Variants in WNK1 observed in about 807,000 individuals in gnomAD.
WNK1 encodes the protein serine/threonine-protein kinase WNK1.
In WNK1, 38 loss-of-function variants were observed where a neutral mutation model predicts 222.8. That is an observed-to-expected ratio of 0.17 (90% CI 0.13 to 0.22). WNK1 has a LOEUF of 0.22. Ranked by LOEUF, WNK1 falls within the 10% of genes least tolerant of loss-of-function variation. The pLI, the probability that WNK1 is intolerant of heterozygous loss-of-function variation, is 1.00. For synonymous variants in WNK1, 1,090 were observed against 1,092.9 expected (o/e 1.00, Z 0.05); for missense variants, 2,348 against 2,918.4 (o/e 0.80, Z 4.50).
intron 1 of WNK1, among the ~76,000 whole-genome samples, chr12:799,452 GT>G (rs1056096659): frequency 6.6e-6 from 1 of 151,680 alleles, no homozygotes; most frequent in African/African-American, 2.4e-5. Context: ...CATTTTAAGA[GT>G]TTCTTCTGAT....
rs777813260 is a variant in WNK1, at chr12:827,483, G to A, written c.1153+221G>A. ...GTAACATTACGTTACAAGAAATAAA[G>A]TGAACTTTGTTGATAAAACCTAATG... On this transcript the variant is annotated intron_variant, in intron 3 of 27. Coordinates refer to ENST00000315939, the MANE Select transcript of WNK1 (RefSeq NM_018979.4). This position sits in a 1 kb window ranked among gnomAD's most constrained non-coding sequence, Gnocchi z 4.6. The A allele has an allele frequency of 6.9e-6, 4 of 583,512 alleles. No individual in the cohort carries two copies. Among genetic ancestry groups the A allele is most frequent in the Non-Finnish European group, 9.1e-6 (3 of 328,518 alleles). 36.1% of individuals were successfully genotyped at this position (583,512 alleles called of 1,614,324 possible).
At chr12:757,388 C>T (rs984239193) in intron 1 of WNK1, among the ~76,000 whole-genome samples, 4 of 132,586 alleles carry the variant, frequency 3.0e-5, no homozygotes, top group African/African-American at 8.3e-5. Flanking sequence ...TGCAGTGGCG[C>T]AATCTGAGCT....
Position 762,826 on chromosome 12 carries a change from A to C in WNK1, c.759+8502A>C, listed in dbSNP as rs1040293569. Among the ~76,000 whole-genome samples the C allele has an allele frequency of 3.4e-5, 5 of 145,874 alleles. 1 individual carries two copies. Among genetic ancestry groups the C allele is most frequent in the African/African-American group, 7.4e-5 (3 of 40,790 alleles). ...CAATGGCGCGATCTCGGCTCACCAC[A>C]ACATTTGCCTCCTGAGTTCAAGGGA... is the stretch of plus-strand genomic sequence containing the variant. On this transcript the variant is annotated intron_variant, in intron 1 of 27. Transcript: ENST00000315939.
At chr12:793,395 A>G (rs969723454) in intron 1 of WNK1, among the ~76,000 whole-genome samples, 43 of 152,348 alleles carry the variant, frequency 2.8e-4, no homozygotes, top group African/African-American at 8.2e-4. Context: ...AAATTAAAAC[A>G]AGGAGACTGC....
Position 776,411 on chromosome 12 carries a change from T to TG in WNK1, c.759+22087_759+22088insG, listed in dbSNP as rs1491459174. 9.9e-3 allele frequency among the ~76,000 whole-genome samples: 988 copies of TG among 100,206 alleles called. 4 individuals are homozygous for TG. The highest frequency in any genetic ancestry group is 0.016 in the African/African-American group (362 of 22,654). The allele number at this position is 100,206 out of a possible 152,430, so 65.7% of individuals were successfully genotyped here. On this transcript the variant is annotated intron_variant, in intron 1 of 27. Coordinates refer to ENST00000315939, the MANE Select transcript of WNK1 (RefSeq NM_018979.4). ...TCAGATCTCTGTGTGTGTTTGTGTG[T>TG]TTGTGTGTGTGTGTGTGTGTGTGTG...
At chr12:822,550 G>A (rs905675868) in intron 2 of WNK1, among the ~76,000 whole-genome samples, 1 of 151,418 alleles carries the variant, frequency 6.6e-6, no homozygotes, top group Non-Finnish European at 1.5e-5. Flanking sequence ...TTTTTTCAGT[G>A]GTTACCTTGA....
At chr12:782,380 T>C (rs916381687) in intron 1 of WNK1, among the ~76,000 whole-genome samples, 2 of 152,164 alleles carry the variant, frequency 1.3e-5, no homozygotes, top group African/African-American at 4.8e-5. Context: ...TCCTATTTTA[T>C]AGATGAGAAA....
At chr12:881,025 A>G (rs766597694) in intron 12 of WNK1, 26 bp downstream of exon 12, 2 of 1,613,730 alleles carry the variant, frequency 1.2e-6, no homozygotes, top group Non-Finnish European at 1.7e-6. Flanking sequence ...GCATGTTTAT[A>G]TGTAAAACGT....
At chr12:792,086 A>G (rs1944892558) in intron 1 of WNK1, among the ~76,000 whole-genome samples, 1 of 152,140 alleles carries the variant, frequency 6.6e-6, no homozygotes, top group Non-Finnish European at 1.5e-5. Context: ...TTATACCTAA[A>G]CATTGCTACT....
At position 908,631 on chromosome 12, in the gene WNK1, G is replaced by C. The variant is rs1177317020; in HGVS notation, c.6988G>C (p.Ala2330Pro). Residue 2330 changes from alanine (A) to proline (P), a missense_variant, in exon 28 of 28, where the codon GCT becomes CCT. Ala to Pro is a conservative substitution (Grantham distance 27, BLOSUM62 -1). Coordinates refer to ENST00000315939, the MANE Select transcript of WNK1 (RefSeq NM_018979.4). ...CCCCCCACAGCAGTATGGCTTTCCA[G>C]CTACCCCATTTGGCGCTCAATGGAG... is the stretch of plus-strand genomic sequence containing the variant. Reference protein sequence around the residue: ...MCPPQQYGFPATPFGAQWSGT... With the variant: ...MCPPQQYGFPPTPFGAQWSGT... 7.4e-6 allele frequency: 12 copies of C among 1,614,204 alleles called. No homozygotes were observed. Among genetic ancestry groups the C allele is most frequent in the Non-Finnish European group, 9.3e-6 (11 of 1,180,040 alleles).
At chr12:879,536 T>C (rs1565568748) in intron 10 of WNK1, 37 bp from the exon 11 acceptor site, 1 of 1,114,988 alleles carries the variant, frequency 9.0e-7, no homozygotes, top group Admixed American at 1.8e-5. Flanking sequence ...TTTTTTTTTT[T>C]TAAGCCTGTC....
intron 1 of WNK1, among the ~76,000 whole-genome samples, chr12:806,374 A>G (rs1946368301): frequency 6.6e-6 from 1 of 152,168 alleles, no homozygotes; most frequent in South Asian, 2.1e-4. Flanking sequence ...GATGTAATGG[A>G]GCATTTTCCA....
chr12:829,760 A>G (rs1237067907), intron 3 of WNK1, among the ~76,000 whole-genome samples: 1 of 152,250 alleles, frequency 6.6e-6, no homozygotes, highest in Non-Finnish European at 1.5e-5. Flanking sequence ...ACAGTAAATC[A>G]ATAAATAGAT....
intron 4 of WNK1, among the ~76,000 whole-genome samples, chr12:836,356 A>G (rs1182579622): frequency 6.6e-6 from 1 of 152,226 alleles, no homozygotes; most frequent in East Asian, 1.9e-4. Flanking sequence ...CGAAAAACAA[A>G]TCTGTTGAAA....
chr12:766,257 T>A (rs1171221751), intron 1 of WNK1, among the ~76,000 whole-genome samples: 1 of 152,138 alleles, frequency 6.6e-6, no homozygotes, highest in Non-Finnish European at 1.5e-5. Flanking sequence ...ATAAAATATA[T>A]GTATGTAAAT....
intron 4 of WNK1, among the ~76,000 whole-genome samples, chr12:840,581 G>A (rs1401063691): frequency 1.3e-5 from 2 of 152,126 alleles, no homozygotes; most frequent in Non-Finnish European, 2.9e-5. Flanking sequence ...ATTTATGGCT[G>A]TTTTCACACT....
At chr12:848,641 A>C (rs1591996515) in intron 4 of WNK1, among the ~76,000 whole-genome samples, 1 of 151,588 alleles carries the variant, frequency 6.6e-6, no homozygotes, top group African/African-American at 2.4e-5. Context: ...GTACTTAAAT[A>C]TTGTGGGGGA....
At chr12:778,073 C>T (rs1431890607) in intron 1 of WNK1, among the ~76,000 whole-genome samples, 2 of 152,180 alleles carry the variant, frequency 1.3e-5, no homozygotes, top group Non-Finnish European at 2.9e-5. Context: ...TGATGATATT[C>T]TCACCTAAAA....
chr12:766,386 A>G (rs1336219866), intron 1 of WNK1, among the ~76,000 whole-genome samples: 1 of 152,222 alleles, frequency 6.6e-6, no homozygotes, highest in Non-Finnish European at 1.5e-5. Context: ...TGAGCTGGAA[A>G]AGGTCTTTAA....
Sources: gnomAD v4.1 joint callset for allele counts (sites outside exome capture counted in the v4.1 genomes callset) on GRCh38, gnomAD v4.1.1 for gene constraint, Gnocchi (gnomAD v3.1) non-coding constraint, MANE v1.5 for transcripts, NCBI Gene and HGNC (gene_info 2026-07-23, HGNC 2026-07-21) for gene names.